RAD50: variants seen among roughly 807,000 people sequenced by gnomAD.
The protein encoded by RAD50 is DNA repair protein RAD50.
In RAD50, 132 loss-of-function variants were observed where a neutral mutation model predicts 168.8. The ratio of observed to expected loss-of-function variants is 0.78; its 90% CI spans 0.68 to 0.90. The LOEUF is 0.90. RAD50 is among the 40% of genes least tolerant of loss of function. RAD50 has a pLI of 0.00. For missense variants in RAD50, 1,347 were observed against 1,534.4 expected (o/e 0.88, Z 2.04); for synonymous variants, 525 against 497.4 (o/e 1.06, Z -0.74).
At chr5:132,572,462 T>G (rs970246188) in intron 2 of RAD50, among the ~76,000 whole-genome samples, 7 of 152,152 alleles carry the variant, frequency 4.6e-5, no homozygotes, top group African/African-American at 1.7e-4. Flanking sequence ...ACAGTGTTTT[T>G]ATATATAATA....
At chr5:132,566,709 C>T (rs1750215198) in intron 2 of RAD50, among the ~76,000 whole-genome samples, 1 of 152,224 alleles carries the variant, frequency 6.6e-6, no homozygotes, top group South Asian at 2.1e-4. Context: ...CATTTAGTGC[C>T]ATCACCTTAA....
chr5:132,622,472 C>G (rs1207905044), intron 21 of RAD50, among the ~76,000 whole-genome samples: 1 of 152,050 alleles, frequency 6.6e-6, no homozygotes, highest in Non-Finnish European at 1.5e-5. Flanking sequence ...GATGTATTTT[C>G]TTCCTTTGTA....
At position 132,579,305 on chromosome 5, in the gene RAD50, C is replaced by A. The variant is rs748329656; in HGVS notation, c.366-12C>A. On this transcript the variant is annotated splice_polypyrimidine_tract_variant and intron_variant, in intron 3 of 24. Coordinates refer to ENST00000378823, the MANE Select transcript of RAD50 (RefSeq NM_005732.4). ...TTATTTTACATATATTCTTGATTTT[C>A]ATTTTCTGTAGGCATGGTGAAAAGG... 13 of 1,611,564 alleles carry A rather than the reference C, an allele frequency of 8.1e-6. No homozygotes were observed. Among genetic ancestry groups the A allele is most frequent in the Non-Finnish European group, 1.1e-5 (13 of 1,178,036 alleles).
At chr5:132,625,040 T>C (rs1389431458) in intron 21 of RAD50, among the ~76,000 whole-genome samples, 1 of 151,910 alleles carries the variant, frequency 6.6e-6, no homozygotes, top group Non-Finnish European at 1.5e-5. Context: ...CCATAATACA[T>C]GGTTAAAAGT....
intron 1 of RAD50, 93 bp downstream of exon 1, chr5:132,557,546 G>C: frequency 1.9e-6 from 3 of 1,554,572 alleles, no homozygotes; most frequent in Non-Finnish European, 2.7e-6. Flanking sequence ...GAGCAGAAGC[G>C]TCCCTAGGGC....
intron 16 of RAD50, among the ~76,000 whole-genome samples, chr5:132,605,535 G>T (rs1248441365): frequency 1.1e-4 from 16 of 152,112 alleles, no homozygotes; most frequent in Admixed American, 1.0e-3. Flanking sequence ...TCTAGAGACA[G>T]GGTCTCACTA....
At chr5:132,597,303 T>C (rs1279769632) in intron 13 of RAD50, among the ~76,000 whole-genome samples, 1 of 152,200 alleles carries the variant, frequency 6.6e-6, no homozygotes, top group Non-Finnish European at 1.5e-5. Flanking sequence ...CCTCTTGGTA[T>C]TTATACTCTT....
At chr5:132,588,114 GT>G in intron 7 of RAD50, 25 bp downstream of exon 7, 2 of 1,594,658 alleles carry the variant, frequency 1.3e-6, no homozygotes, top group Middle Eastern at 1.7e-4. Flanking sequence ...TTATTTGGTC[GT>G]TTTTCCTACT....
chr5:132,583,690 C>CTTTTT (rs35842753), intron 5 of RAD50, among the ~76,000 whole-genome samples: 2 of 117,638 alleles, frequency 1.7e-5, no homozygotes, highest in Non-Finnish European at 3.4e-5. Flanking sequence ...TAATTCATTC[C>CTTTTT]TTTTTTTTTT....
At chr5:132,625,640 C>T (rs897828241) in intron 21 of RAD50, among the ~76,000 whole-genome samples, 1 of 152,058 alleles carries the variant, frequency 6.6e-6, no homozygotes, top group Non-Finnish European at 1.5e-5. Flanking sequence ...TATACTAGAT[C>T]TTATTCTTAC....
intron 21 of RAD50, among the ~76,000 whole-genome samples, chr5:132,618,499 C>A (rs572336775): frequency 6.6e-6 from 1 of 152,272 alleles, no homozygotes; most frequent in African/African-American, 2.4e-5. Context: ...CTGCCTCATC[C>A]TCCCAAGTAG....
At chr5:132,640,602 T>G in intron 23 of RAD50, 70 bp from the exon 24 acceptor site, 4 of 1,598,464 alleles carry the variant, frequency 2.5e-6, no homozygotes, top group Non-Finnish European at 3.4e-6. Flanking sequence ...AAAGATCATG[T>G]CAGGACTGCT....
At chr5:132,604,692 G>A in intron 15 of RAD50, 114 bp from the exon 16 acceptor site, 1 of 884,406 alleles carries the variant, frequency 1.1e-6, no homozygotes, top group Non-Finnish European at 1.8e-6. Context: ...AGTGGGTGGG[G>A]CCCACAGAAA....
At chr5:132,636,780 A>G (rs1214862731) in intron 21 of RAD50, among the ~76,000 whole-genome samples, 2 of 152,188 alleles carry the variant, frequency 1.3e-5, no homozygotes, top group Non-Finnish European at 2.9e-5. Flanking sequence ...ACGGCCTAAG[A>G]AAAAAGTCTA....
chr5:132,626,831 A>G (rs1413541050), intron 21 of RAD50, among the ~76,000 whole-genome samples: 1 of 152,140 alleles, frequency 6.6e-6, no homozygotes. Context: ...ATTAGATATC[A>G]GAACCACTGT....
chr5:132,608,655 A>G lies in RAD50; in HGVS notation c.2759A>G (p.Glu920Gly). 1 of 1,600,466 alleles carries G rather than the reference A, an allele frequency of 6.2e-7. No individual in the cohort carries two copies. Among genetic ancestry groups the G allele is most frequent in the Non-Finnish European group, 8.5e-7 (1 of 1,173,552 alleles). Reference protein sequence around the residue: ...EQVSPLETTLEKFQQEKEELI... With the variant: ...EQVSPLETTLGKFQQEKEELI... ...GTAAGCCCTTTGGAAACAACATTGG[A>G]AAAGTTCCAGCAAGAAAAAGAAGAA... Residue 920 changes from glutamate to glycine, a missense_variant, in exon 17 of 25, where the codon GAA becomes GGA. This residue lies in a region of RAD50 where 635 missense variants were observed against 739.2 expected (regional missense o/e 0.86). Coordinates refer to ENST00000378823, the MANE Select transcript of RAD50 (RefSeq NM_005732.4).
intron 21 of RAD50, among the ~76,000 whole-genome samples, chr5:132,631,459 A>G (rs574693313): frequency 6.6e-6 from 1 of 152,128 alleles, no homozygotes; most frequent in East Asian, 1.9e-4. Context: ...AAATCATACT[A>G]CTTCGCATGA....
At chr5:132,584,801 T>C (rs1023840799) in intron 5 of RAD50, among the ~76,000 whole-genome samples, 1 of 152,020 alleles carries the variant, frequency 6.6e-6, no homozygotes, top group African/African-American at 2.4e-5. Flanking sequence ...TGTAGGGACA[T>C]GGATGAAGCT....
At position 132,642,448 on chromosome 5, in the gene RAD50, C is replaced by A; in HGVS notation, c.*84C>A. ...AACTTATTTCTCATATCAACTTAGT[C>A]AATAAGAAAATATATTCTTTCAAAG... On this transcript the variant is annotated 3_prime_UTR_variant, in exon 25 of 25. Transcript: ENST00000378823. 8.1e-7 allele frequency: 1 copy of A among 1,233,330 alleles called. No homozygotes were observed. Among genetic ancestry groups the A allele is most frequent in the South Asian group, 1.3e-5 (1 of 74,366 alleles). The allele number at this position is 1,233,330 out of a possible 1,614,324, so 76.4% of individuals were successfully genotyped here.
Sources: gnomAD v4.1 joint callset for allele counts (sites outside exome capture counted in the v4.1 genomes callset) on GRCh38, gnomAD v4.1.1 for gene constraint, gnomAD v4.1.1 regional missense constraint, MANE v1.5 for transcripts, NCBI Gene and HGNC (gene_info 2026-07-23, HGNC 2026-07-21) for gene names.